The following SEMA5A variants were observed in gnomAD, a reference collection of about 807,000 sequenced individuals.
SEMA5A encodes the protein semaphorin 5A, also known as semaphorin-5A.
SEMA5A carries 55 observed loss-of-function variants against 135.5 expected under a neutral mutation model. The observed-to-expected ratio is 0.41, with a 90% CI of 0.33 to 0.51. The LOEUF is 0.51. SEMA5A is among the 20% of genes least tolerant of loss of function. The probability of loss-of-function intolerance (pLI) is 0.37; values close to 1 mark genes in which losing one functional copy is unlikely to be tolerated. For missense variants in SEMA5A, 1,290 were observed against 1,419.9 expected (o/e 0.91, Z 1.47); for synonymous variants, 580 against 546.5 (o/e 1.06, Z -0.85).
intron 2 of SEMA5A, among the ~76,000 whole-genome samples, chr5:9,405,780 T>C (rs1020667319): frequency 6.6e-6 from 1 of 152,196 alleles, no homozygotes; most frequent in African/African-American, 2.4e-5. Context: ...TGGATTCTCT[T>C]CCATATCACT....
intron 2 of SEMA5A, among the ~76,000 whole-genome samples, chr5:9,403,816 T>C (rs1347629404): frequency 6.6e-6 from 1 of 152,214 alleles, no homozygotes; most frequent in Non-Finnish European, 1.5e-5. Flanking sequence ...CAGACAGCTC[T>C]CCTCTTCTGC....
chr5:9,341,573 C>T (rs1045534315), intron 3 of SEMA5A, among the ~76,000 whole-genome samples: 1 of 150,736 alleles, frequency 6.6e-6, no homozygotes, highest in South Asian at 2.1e-4. Context: ...CTTTTTCCTC[C>T]TATCCCTATT....
intron 3 of SEMA5A, among the ~76,000 whole-genome samples, chr5:9,343,732 G>A (rs983949037): frequency 1.3e-5 from 2 of 152,086 alleles, no homozygotes; most frequent in African/African-American, 2.4e-5. Flanking sequence ...AGAAGAGCAC[G>A]GCAGGTCTGT....
intron 1 of SEMA5A, among the ~76,000 whole-genome samples, chr5:9,501,663 AG>A (rs1162761638): frequency 6.6e-6 from 1 of 152,186 alleles, no homozygotes; most frequent in Non-Finnish European, 1.5e-5. Context: ...CAGGGGCAGC[AG>A]CTGTTTACAC....
intron 1 of SEMA5A, among the ~76,000 whole-genome samples, chr5:9,471,461 C>G (rs1271825318): frequency 6.6e-6 from 1 of 152,074 alleles, no homozygotes; most frequent in Non-Finnish European, 1.5e-5. Context: ...AATGGTGTGG[C>G]CCTTCCTACC....
chr5:9,162,633 A>G (rs2150286330), intron 11 of SEMA5A, among the ~76,000 whole-genome samples: 1 of 145,294 alleles, frequency 6.9e-6, no homozygotes, highest in African/African-American at 2.6e-5. Context: ...TAAGAAATGC[A>G]GTCGATTTCC....
intron 8 of SEMA5A, among the ~76,000 whole-genome samples, chr5:9,216,303 T>G (rs1487376205): frequency 2.0e-5 from 3 of 152,182 alleles, no homozygotes; most frequent in Non-Finnish European, 2.9e-5. Flanking sequence ...TTTTGAGTGA[T>G]TTTCTTAGTC....
At chr5:9,524,312 G>T (rs543050095) in intron 1 of SEMA5A, among the ~76,000 whole-genome samples, 3 of 152,274 alleles carry the variant, frequency 2.0e-5, no homozygotes, top group African/African-American at 7.2e-5. Context: ...TTAAAGCAAT[G>T]TGAGAACGGA....
At position 9,040,366 on chromosome 5, in the gene SEMA5A, A is replaced by G. The variant is rs1234265708; in HGVS notation, c.*2531T>C. 1.3e-5 allele frequency: 2 copies of G among 152,160 alleles called. No individual in the cohort carries two copies. Among genetic ancestry groups the G allele is most frequent in the African/African-American group, 4.8e-5 (2 of 41,424 alleles). 9.4% of individuals were successfully genotyped at this position (152,160 alleles called of 1,614,324 possible). A position where few individuals can be genotyped will look rare whatever the true frequency, so the allele number is the denominator to read the frequency against. On this transcript the variant is annotated 3_prime_UTR_variant, in exon 23 of 23. Transcript: ENST00000382496. Reference sequence around the variant, plus strand: ...GGCTTTATGAAGGAGTTTCCAAGACAGGTGAGAGATCACACTGTGAAAGTC... The same window carrying G: ...GGCTTTATGAAGGAGTTTCCAAGACGGGTGAGAGATCACACTGTGAAAGTC...
intron 1 of SEMA5A, among the ~76,000 whole-genome samples, chr5:9,506,717 G>T (rs887601039): frequency 1.3e-5 from 2 of 152,150 alleles, no homozygotes; most frequent in Non-Finnish European, 2.9e-5. Flanking sequence ...CAAATTATTT[G>T]AAAGCCAAGG....
intron 1 of SEMA5A, among the ~76,000 whole-genome samples, chr5:9,476,442 C>A (rs1447847778): frequency 6.6e-6 from 1 of 151,996 alleles, no homozygotes. Flanking sequence ...AGCTGAACAG[C>A]TTTTCATACT....
intron 2 of SEMA5A, among the ~76,000 whole-genome samples, chr5:9,421,688 GT>G (rs1260107639): frequency 6.6e-6 from 1 of 152,128 alleles, no homozygotes. Flanking sequence ...TGTCATGGGT[GT>G]TATCTTTTTT....
chr5:9,491,223 T>A (rs268470), intron 1 of SEMA5A, among the ~76,000 whole-genome samples: 1 of 152,038 alleles, frequency 6.6e-6, no homozygotes, highest in Non-Finnish European at 1.5e-5. Flanking sequence ...AAAAGATTGG[T>A]GGTTGCCAGG....
At chr5:9,202,801 T>C (rs994493432) in intron 8 of SEMA5A, among the ~76,000 whole-genome samples, 7 of 152,172 alleles carry the variant, frequency 4.6e-5, no homozygotes, top group African/African-American at 1.4e-4. Context: ...ATAAGGTGTG[T>C]CTGGAATTAG....
At chr5:9,048,241 G>A (rs1022285937) in intron 21 of SEMA5A, among the ~76,000 whole-genome samples, 12 of 152,178 alleles carry the variant, frequency 7.9e-5, no homozygotes, top group African/African-American at 2.7e-4. Context: ...GTCAGGGCTC[G>A]TTTCCTACGG....
At chr5:9,141,480 T>C (rs1742062332) in intron 12 of SEMA5A, among the ~76,000 whole-genome samples, 1 of 152,210 alleles carries the variant, frequency 6.6e-6, no homozygotes, top group Non-Finnish European at 1.5e-5. Flanking sequence ...GACCTTACAC[T>C]ATTCTCATTT....
Position 9,075,902 on chromosome 5 carries a change from G to C in SEMA5A, c.2074-9256C>G, listed in dbSNP as rs148530029. ...CTTTCTAATACATGGTGGCTTCTTT[G>C]CTATTTAGAAATTATATCTTCAGGC... On this transcript the variant is annotated intron_variant, in intron 16 of 22. Transcript: ENST00000382496. 5.7e-3 allele frequency among the ~76,000 whole-genome samples: 864 copies of C among 152,124 alleles called. 4 individuals are homozygous for C. Among genetic ancestry groups the C allele is most frequent in the African/African-American group, 0.02 (826 of 41,522 alleles).
At chr5:9,306,413 T>C (rs1344777906) in intron 5 of SEMA5A, among the ~76,000 whole-genome samples, 5 of 152,146 alleles carry the variant, frequency 3.3e-5, no homozygotes, top group African/African-American at 7.2e-5. Flanking sequence ...TTCTGCTATG[T>C]CTAATCTGCT....
At chr5:9,124,754 C>A (rs567901172) in intron 13 of SEMA5A, among the ~76,000 whole-genome samples, 1 of 152,288 alleles carries the variant, frequency 6.6e-6, no homozygotes, top group South Asian at 2.1e-4. Context: ...CCATGCACGG[C>A]CTCCAAACCT....
Sources: gnomAD v4.1 joint callset for allele counts (sites outside exome capture counted in the v4.1 genomes callset) on GRCh38, gnomAD v4.1.1 for gene constraint, MANE v1.5 for transcripts, NCBI Gene and HGNC (gene_info 2026-07-23, HGNC 2026-07-21) for gene names.